Variants in WNK3 observed in about 807,000 individuals in gnomAD.
WNK3 encodes the protein serine/threonine-protein kinase WNK3.
Under a neutral mutation model 116.7 loss-of-function variants are expected in WNK3, and 18 were observed. That is an observed-to-expected ratio of 0.15 (90% CI 0.11 to 0.23). The LOEUF (loss-of-function observed/expected upper bound fraction) is 0.23, where lower values mean the gene tolerates loss of function less well. Among genes scored for constraint, WNK3 ranks in the 10% least tolerant of loss-of-function variants. The pLI, the probability that WNK3 is intolerant of heterozygous loss-of-function variation, is 1.00. For missense variants in WNK3, 993 were observed against 1,323.8 expected (o/e 0.75, Z 3.88); for synonymous variants, 404 against 469.4 (o/e 0.86, Z 1.80).
intron 1 of WNK3, 76 bp downstream of exon 1, chrX:54,357,610 C>A (rs2069612756): frequency 8.9e-6 from 1 of 111,971 alleles, no homozygotes; most frequent in South Asian, 3.8e-4. Context: ...GCCCATTCAT[C>A]TCTCAGCCCG....
At position 54,249,352 on chromosome X, in the gene WNK3, C is replaced by G. The variant is rs781937568; in HGVS notation, c.2996G>C (p.Ser999Thr). The change falls in exon 17 of 24, where the codon AGC (serine) becomes ACC (threonine). Residue 999 changes from serine (S) to threonine (T), a missense_variant. Physicochemically the swap from Ser to Thr is moderately conservative, Grantham distance 58. This residue lies in a region of WNK3 where 836 missense variants were observed against 976.5 expected (regional missense o/e 0.86). Coordinates refer to ENST00000354646, the Ensembl canonical transcript of WNK3. ...ACATGGATACACAGGTATGAATATG[C>G]TTGCTTGTTTGGTGAGTCCCTCACA... 5 of 1,210,476 alleles carry G rather than the reference C, an allele frequency of 4.1e-6. No individual in the cohort carries two copies. The Admixed American group carries it at 1.1e-4, about 26-fold the overall frequency.
intron 22 of WNK3, among the ~76,000 whole-genome samples, chrX:54,212,399 T>G (rs1330068277): frequency 8.9e-6 from 1 of 112,030 alleles, no homozygotes; most frequent in Non-Finnish European, 1.9e-5. Flanking sequence ...AGAATGAACC[T>G]TAATATATGC....
exon 24 of WNK3, chrX:54,198,334 C>T (rs1557140659): frequency 1.3e-5 from 15 of 1,193,885 alleles, no homozygotes; most frequent in Non-Finnish European, 1.5e-5. Flanking sequence ...TCATTTAGGA[C>T]CAGGAGGGAT....
chrX:54,334,776 A>G (rs2069212766), intron 1 of WNK3, among the ~76,000 whole-genome samples: 1 of 112,409 alleles, frequency 8.9e-6, no homozygotes, highest in Non-Finnish European at 1.9e-5. Context: ...AATAGCAAGA[A>G]AGACTCAAAA....
At chrX:54,215,583 G>A (rs2067680675) in intron 22 of WNK3, among the ~76,000 whole-genome samples, 1 of 112,088 alleles carries the variant, frequency 8.9e-6, no homozygotes, top group Non-Finnish European at 1.9e-5. Flanking sequence ...CCAAAGTGCC[G>A]AGATTGCAGC....
chrX:54,217,438 G>C (rs1557145634), intron 22 of WNK3, among the ~76,000 whole-genome samples: 1 of 109,063 alleles, frequency 9.2e-6, no homozygotes, highest in Non-Finnish European at 1.9e-5. Flanking sequence ...TGGCCAACAT[G>C]GTAAAACCCC....
rs1010725363 is a variant in WNK3, at chrX:54,205,676, A to G, written c.4871-3483T>C. On this transcript the variant is annotated intron_variant, in intron 22 of 23. Coordinates refer to ENST00000354646, the Ensembl canonical transcript of WNK3. ...GCCATATGAAAAGGAAAAAAATGCT[A>G]TTTGAATGTTATTCAGTATCTATGC... 5.4e-5 allele frequency among the ~76,000 whole-genome samples: 6 copies of G among 112,089 alleles called. 1 individual carries two copies. In the South Asian group the frequency reaches 2.3e-3, roughly 42 times the overall value.
intron 10 of WNK3, among the ~76,000 whole-genome samples, chrX:54,262,199 G>GT (rs1569537018): frequency 9.0e-6 from 1 of 111,559 alleles, no homozygotes; most frequent in East Asian, 2.8e-4. Flanking sequence ...TAATTATACA[G>GT]TTTTTTCTGC....
intron 23 of WNK3, among the ~76,000 whole-genome samples, chrX:54,201,056 G>T (rs2067496768): frequency 9.0e-6 from 1 of 111,176 alleles, no homozygotes; most frequent in Non-Finnish European, 1.9e-5. Context: ...AACACACAGA[G>T]ATAAATCTCT....
At chrX:54,342,272 T>C (rs1201048983) in intron 1 of WNK3, among the ~76,000 whole-genome samples, 1 of 102,734 alleles carries the variant, frequency 9.7e-6, no homozygotes, top group Non-Finnish European at 2.0e-5. Context: ...TAAAAAAAAT[T>C]TTTTTTAAAT....
At chrX:54,334,372 C>T (rs1320314845) in intron 1 of WNK3, among the ~76,000 whole-genome samples, 3 of 111,304 alleles carry the variant, frequency 2.7e-5, no homozygotes, top group Non-Finnish European at 5.7e-5. Flanking sequence ...AACAATGATT[C>T]CCTATCAGCC....
intron 22 of WNK3, among the ~76,000 whole-genome samples, chrX:54,211,028 T>G (rs1212132200): frequency 8.9e-6 from 1 of 112,124 alleles, no homozygotes; most frequent in Non-Finnish European, 1.9e-5. Context: ...TAAGTTTGGC[T>G]GCTGTTGCTG....
At chrX:54,276,358 A>C (rs1557160865) in intron 10 of WNK3, among the ~76,000 whole-genome samples, 1 of 111,117 alleles carries the variant, frequency 9.0e-6, no homozygotes, top group Admixed American at 9.6e-5. Flanking sequence ...CAAACAAAAA[A>C]AAACAAATTA....
chrX:54,214,069 T>C (rs782759469), intron 22 of WNK3, among the ~76,000 whole-genome samples: 1 of 111,514 alleles, frequency 9.0e-6, no homozygotes, highest in African/African-American at 3.3e-5. Flanking sequence ...CTCCACCTCC[T>C]GGGTTCAAGC....
intron 22 of WNK3, among the ~76,000 whole-genome samples, chrX:54,205,206 T>C (rs781901251): frequency 2.7e-4 from 28 of 103,159 alleles, no homozygotes; most frequent in Non-Finnish European, 4.3e-4. Context: ...CAGAGTGAGA[T>C]TCCACACACA....
chrX:54,283,384 A>G (rs1483482343), intron 10 of WNK3, among the ~76,000 whole-genome samples: 1 of 112,528 alleles, frequency 8.9e-6, no homozygotes, highest in East Asian at 2.8e-4. Context: ...ATATGCATAT[A>G]GAAAGATGCT....
At chrX:54,243,746 G>A (rs2068147724) in intron 17 of WNK3, among the ~76,000 whole-genome samples, 1 of 111,759 alleles carries the variant, frequency 8.9e-6, no homozygotes, top group African/African-American at 3.3e-5. Flanking sequence ...AAAAGAGTTT[G>A]GTGGTTCTTC....
chrX:54,297,469 C>T (rs782007072), intron 7 of WNK3, among the ~76,000 whole-genome samples: 10 of 108,088 alleles, frequency 9.3e-5, no homozygotes, highest in African/African-American at 3.0e-4. Context: ...CCCAGCAACT[C>T]GGGAGGCTGA....
chrX:54,292,293 G>C (rs2068647290), intron 10 of WNK3, among the ~76,000 whole-genome samples: 1 of 111,763 alleles, frequency 8.9e-6, no homozygotes, highest in South Asian at 3.7e-4. Context: ...TCATGAATAA[G>C]AGGAAGAGAT....
Sources: gnomAD v4.1 joint callset for allele counts (sites outside exome capture counted in the v4.1 genomes callset) on GRCh38, gnomAD v4.1.1 for gene constraint, gnomAD v4.1.1 regional missense constraint, MANE v1.5 for transcripts, NCBI Gene and HGNC (gene_info 2026-07-23, HGNC 2026-07-21) for gene names.